The following ZMYND11 variants were observed in gnomAD, a reference collection of about 807,000 sequenced individuals.
ZMYND11 encodes zinc finger MYND domain-containing protein 11.
A neutral mutation model predicts 84.9 loss-of-function variants in ZMYND11; 9 were observed. The ratio of observed to expected loss-of-function variants is 0.11; its 90% CI spans 0.06 to 0.18. The LOEUF (loss-of-function observed/expected upper bound fraction) is 0.18. Ranked by LOEUF, ZMYND11 falls within the 10% of genes least tolerant of loss-of-function variation. ZMYND11 has a pLI of 1.00. For synonymous variants in ZMYND11, 250 were observed against 244.1 expected (o/e 1.02, Z -0.23); for missense variants, 409 against 761.0 (o/e 0.54, Z 5.44).
chr10:239,376 T>C, intron 6 of ZMYND11, 62 bp from the exon 7 acceptor site: 1 of 1,347,578 alleles, frequency 7.4e-7, no homozygotes, highest in Non-Finnish European at 1.1e-6. Flanking sequence ...CCTGTGAACT[T>C]AGTCCAGACA....
At chr10:186,466 C>G (rs566419560) in intron 2 of ZMYND11, among the ~76,000 whole-genome samples, 12 of 151,680 alleles carry the variant, frequency 7.9e-5, no homozygotes, top group Admixed American at 3.9e-4. Context: ...CATAGTGAAA[C>G]CCTGTCCCTA....
chr10:243,251 T>A (rs1479300787), intron 10 of ZMYND11, among the ~76,000 whole-genome samples: 1 of 152,214 alleles, frequency 6.6e-6, no homozygotes, highest in African/African-American at 2.4e-5. Flanking sequence ...CTGAGCATAG[T>A]ACCTAGCACA....
chr10:223,442 TTTTCC>T (rs1947504607), intron 4 of ZMYND11, among the ~76,000 whole-genome samples: 1 of 152,216 alleles, frequency 6.6e-6, no homozygotes. Context: ...TGTTCTTCTC[TTTTCC>T]TTTCTTTTTG....
intron 1 of ZMYND11, among the ~76,000 whole-genome samples, chr10:150,861 G>A (rs1840165044): frequency 1.3e-5 from 2 of 152,168 alleles, no homozygotes; most frequent in Non-Finnish European, 2.9e-5. Context: ...CACCTCACAT[G>A]GCTGGGTACC....
chr10:215,749 G>A (rs961834669), intron 3 of ZMYND11, among the ~76,000 whole-genome samples: 1 of 151,814 alleles, frequency 6.6e-6, no homozygotes, highest in African/African-American at 2.4e-5. Context: ...GTAGAGACAG[G>A]GTCTTGCTAT....
In ZMYND11 at chr10:150,015, AGTATTTTATTGAG is replaced by A. The variant is rs1232675522; in HGVS notation, c.-20+14458_-20+14470del. On this transcript the variant is annotated intron_variant, in intron 1 of 14. Transcript: ENST00000381604. ...GATGTGCTGCTGGATTCGGTTTGCCAGTATTTTATTGAGGATTTTTGCATCAATGTTCATCAGG... is the reference window on the plus strand; with the variant it reads ...GATGTGCTGCTGGATTCGGTTTGCCAGATTTTTGCATCAATGTTCATCAGG... Among the ~76,000 whole-genome samples, 5 of 152,322 alleles carry A rather than the reference AGTATTTTATTGAG, an allele frequency of 3.3e-5. No individual in the cohort carries two copies. In the East Asian group the frequency reaches 9.6e-4, roughly 29 times the overall value.
chr10:200,624 T>C (rs1265138404), intron 2 of ZMYND11, among the ~76,000 whole-genome samples: 1 of 151,832 alleles, frequency 6.6e-6, no homozygotes, highest in African/African-American at 2.4e-5. Flanking sequence ...TCTCAAGTTA[T>C]TTACTTAGAA....
intron 3 of ZMYND11, 122 bp downstream of exon 3, chr10:210,170 A>G (rs556749200): frequency 4.1e-4 from 443 of 1,091,394 alleles, no homozygotes; most frequent in Non-Finnish European, 4.8e-4. Flanking sequence ...ATTTGTATCA[A>G]CATTAAGGCT....
At chr10:234,339 G>GTC (rs1949540713) in intron 4 of ZMYND11, among the ~76,000 whole-genome samples, 1 of 152,238 alleles carries the variant, frequency 6.6e-6, no homozygotes, top group Admixed American at 6.5e-5. Flanking sequence ...CTCTCCCACT[G>GTC]TCACTACTCA....
intron 14 of ZMYND11, among the ~76,000 whole-genome samples, chr10:251,102 T>C (rs1353155085): frequency 6.6e-6 from 1 of 152,318 alleles, no homozygotes; most frequent in African/African-American, 2.4e-5. Flanking sequence ...ACAGAAAGCA[T>C]GTAGGTATGC....
chr10:198,103 G>T, intron 2 of ZMYND11: 1 of 392,652 alleles, frequency 2.5e-6, no homozygotes, highest in Non-Finnish European at 4.6e-6. Flanking sequence ...AATTTATAAT[G>T]GCCAAAATTG....
chr10:210,371 G>A (rs1944981576), intron 3 of ZMYND11, among the ~76,000 whole-genome samples: 1 of 152,162 alleles, frequency 6.6e-6, no homozygotes, highest in African/African-American at 2.4e-5. Context: ...ATGTTTCCAT[G>A]CCAGATAATG....
At chr10:184,594 A>G (rs1848547603) in intron 2 of ZMYND11, among the ~76,000 whole-genome samples, 1 of 151,564 alleles carries the variant, frequency 6.6e-6, no homozygotes, top group African/African-American at 2.4e-5. Flanking sequence ...ACCTTATATC[A>G]TTTTCTTCAT....
intron 4 of ZMYND11, among the ~76,000 whole-genome samples, chr10:233,891 A>G (rs1454595366): frequency 6.6e-6 from 1 of 152,242 alleles, no homozygotes; most frequent in Non-Finnish European, 1.5e-5. Flanking sequence ...CCAAATTAGC[A>G]GTTCATTTGA....
rs1461081695 is a variant in ZMYND11 at position 254,168 on chromosome 10, GTT to G, written c.*1701_*1702del. The G allele has an allele frequency of 1.3e-5, 2 of 152,584 alleles. No homozygotes were observed. The highest frequency in any genetic ancestry group is 2.9e-5 in the Non-Finnish European group (2 of 68,050). 9.5% of individuals were successfully genotyped at this position (152,584 alleles called of 1,614,324 possible). On this transcript the variant is annotated 3_prime_UTR_variant, in exon 15 of 15. Coordinates refer to ENST00000381604, the MANE Select transcript of ZMYND11 (RefSeq NM_001370100.5). ...TTAACCTTCTTTGATTGTTTTTCAA[GTT>G]TTAAGACTTCGATCCACCCCTATGA...
chr10:216,999 C>G (rs566492639), intron 3 of ZMYND11, among the ~76,000 whole-genome samples: 11 of 152,190 alleles, frequency 7.2e-5, no homozygotes, highest in African/African-American at 2.4e-4. Context: ...TACATTGCAT[C>G]TACATTAAAA....
intron 4 of ZMYND11, among the ~76,000 whole-genome samples, chr10:226,244 CAG>C (rs1332704558): frequency 6.6e-6 from 1 of 152,146 alleles, no homozygotes; most frequent in East Asian, 1.9e-4. Flanking sequence ...GTATACACAG[CAG>C]ATTCTATAGC....
At chr10:246,215 C>T (rs1952122378) in intron 10 of ZMYND11, among the ~76,000 whole-genome samples, 1 of 152,190 alleles carries the variant, frequency 6.6e-6, no homozygotes. Flanking sequence ...TCTGGTTTCT[C>T]TAATGAGTAG....
At chr10:217,489 C>T (rs1045189658) in intron 3 of ZMYND11, among the ~76,000 whole-genome samples, 2 of 150,318 alleles carry the variant, frequency 1.3e-5, no homozygotes, top group African/African-American at 4.9e-5. Context: ...CGCCGTTGCA[C>T]TCCAGCCTGG....
Sources: allele counts gnomAD v4.1 joint callset (sites outside exome capture counted in the v4.1 genomes callset), GRCh38; gene constraint gnomAD v4.1.1; transcripts MANE v1.5; gene names NCBI Gene and HGNC (gene_info 2026-07-23, HGNC 2026-07-21).